SNX13: variants seen among roughly 807,000 people sequenced by gnomAD.
The protein encoded by SNX13 is sorting nexin-13.
SNX13 carries 45 observed loss-of-function variants against 133.6 expected under a neutral mutation model. The ratio of observed to expected loss-of-function variants is 0.34; its 90% CI spans 0.27 to 0.43. The LOEUF is 0.43. SNX13 is among the 20% of genes least tolerant of loss of function. The pLI is 1.00. For missense variants in SNX13, 1,032 were observed against 1,145.1 expected (o/e 0.90, Z 1.43); for synonymous variants, 414 against 373.9 (o/e 1.11, Z -1.24).
At chr7:17,930,716 C>T (rs892963996) in intron 1 of SNX13, among the ~76,000 whole-genome samples, 1 of 152,150 alleles carries the variant, frequency 6.6e-6, no homozygotes, top group African/African-American at 2.4e-5. Flanking sequence ...CCCTGGGCCA[C>T]AGAGCATTAC....
Position 17,923,674 on chromosome 7 carries a change from T to C in SNX13, c.12+16610A>G, listed in dbSNP as rs1009253750. On this transcript the variant is annotated intron_variant, in intron 1 of 25. Coordinates refer to ENST00000428135, the MANE Select transcript of SNX13 (RefSeq NM_015132.5). Reference sequence around the variant, plus strand: ...CAAGGAGAAGAAAACAGATCACATATGCAGGGAGAACAGAGAAACAAATAC... The same window carrying C: ...CAAGGAGAAGAAAACAGATCACATACGCAGGGAGAACAGAGAAACAAATAC... Among the ~76,000 whole-genome samples, 76 of 152,152 alleles carry C rather than the reference T, an allele frequency of 5.0e-4. 1 individual carries two copies. The highest frequency in any genetic ancestry group is 1.4e-3 in the Admixed American group (21 of 15,270).
At chr7:17,935,664 T>G (rs113513184) in intron 1 of SNX13, among the ~76,000 whole-genome samples, 20 of 152,294 alleles carry the variant, frequency 1.3e-4, no homozygotes, top group Non-Finnish European at 2.2e-4. Flanking sequence ...TTATCAATAT[T>G]CCTCTTGGTT....
chr7:17,801,026 A>ATATATATG (rs917095510), intron 22 of SNX13, among the ~76,000 whole-genome samples: 215 of 16,924 alleles, frequency 0.013, 5 homozygotes, highest in African/African-American at 0.032. Flanking sequence ...ATATATATAT[A>ATATATATG]TATATATATA....
chr7:17,814,949 C>CAAAAA lies in SNX13; in HGVS notation c.1954-6_1954-5insTTTTT. The CAAAAA allele has an allele frequency of 1.6e-6, 2 of 1,240,660 alleles. No individual in the cohort carries two copies. The highest frequency in any genetic ancestry group is 3.5e-5 in the East Asian group (1 of 28,758). 76.9% of individuals were successfully genotyped at this position (1,240,660 alleles called of 1,614,324 possible). A position where few individuals can be genotyped will look rare whatever the true frequency, so the allele number is the denominator to read the frequency against. On this transcript the variant is annotated splice_polypyrimidine_tract_variant and splice_region_variant and intron_variant, in intron 19 of 25. Coordinates refer to ENST00000428135, the MANE Select transcript of SNX13 (RefSeq NM_015132.5). ...CATTTCAGGAGCTAACAGTAACTAA[C>CAAAAA]AAGAAAAAAAAAAAAAAGAAGAGAT...
intron 11 of SNX13, among the ~76,000 whole-genome samples, chr7:17,849,387 T>C (rs775224735): frequency 6.6e-6 from 1 of 152,204 alleles, no homozygotes; most frequent in Non-Finnish European, 1.5e-5. Flanking sequence ...ACATCTCTTA[T>C]CTAGTTTTAA....
chr7:17,891,443 C>T, intron 4 of SNX13, 103 bp downstream of exon 4: 1 of 719,996 alleles, frequency 1.4e-6, no homozygotes, highest in Non-Finnish European at 2.2e-6. Flanking sequence ...TTAAGAAATT[C>T]CAGGATATTA....
At chr7:17,862,824 C>T (rs1163746655) in intron 9 of SNX13, among the ~76,000 whole-genome samples, 1 of 152,132 alleles carries the variant, frequency 6.6e-6, no homozygotes. Flanking sequence ...CGATCATCCT[C>T]CCCACAGGAA....
At chr7:17,801,022 A>ATATATATATATATATATG (rs1784570708) in intron 22 of SNX13, among the ~76,000 whole-genome samples, 1 of 14,108 alleles carries the variant, frequency 7.1e-5, no homozygotes, top group African/African-American at 1.8e-4. Context: ...ATATATATAT[A>ATATATATATATATATATG]TATATATATA....
At chr7:17,800,597 A>T (rs1489981727) in intron 22 of SNX13, among the ~76,000 whole-genome samples, 1 of 151,820 alleles carries the variant, frequency 6.6e-6, no homozygotes, top group South Asian at 2.1e-4. Context: ...ATAGGCACAG[A>T]TAACATATAT....
At chr7:17,805,210 TTTG>T (rs1456104264) in intron 20 of SNX13, among the ~76,000 whole-genome samples, 2 of 114,418 alleles carry the variant, frequency 1.7e-5, no homozygotes, top group African/African-American at 6.6e-5. Flanking sequence ...CTAATGATTC[TTTG>T]TGTGTGTGTG....
rs1280279541 is a variant in SNX13 at position 17,793,217 on chromosome 7, T to C, written c.*828A>G. 1 of 152,358 alleles carries C rather than the reference T, an allele frequency of 6.6e-6. No homozygotes were observed. The highest frequency in any genetic ancestry group is 1.5e-5 in the Non-Finnish European group (1 of 67,852). The allele number at this position is 152,358 out of a possible 1,614,324, so 9.4% of individuals were successfully genotyped here. A position where few individuals can be genotyped will look rare whatever the true frequency, so the allele number is the denominator to read the frequency against. ...GTATTTGGCAGTTCTTCCAATAAAT[T>C]ATATCTTCTGTATAATCAGTAATCT... On this transcript the variant is annotated 3_prime_UTR_variant, in exon 26 of 26. Transcript: ENST00000428135.
chr7:17,824,710 T>G (rs1255029616), intron 17 of SNX13, among the ~76,000 whole-genome samples: 1 of 152,104 alleles, frequency 6.6e-6, no homozygotes, highest in East Asian at 1.9e-4. Context: ...AAAAAAGTTA[T>G]ACTCTTAACC....
At chr7:17,909,602 A>C (rs1329083674) in intron 1 of SNX13, among the ~76,000 whole-genome samples, 1 of 152,252 alleles carries the variant, frequency 6.6e-6, no homozygotes, top group Non-Finnish European at 1.5e-5. Flanking sequence ...TCAGCAAACT[A>C]ATGCAGGAAC....
At chr7:17,819,001 A>G (rs1039066200) in intron 18 of SNX13, among the ~76,000 whole-genome samples, 1 of 152,202 alleles carries the variant, frequency 6.6e-6, no homozygotes, top group Non-Finnish European at 1.5e-5. Flanking sequence ...TCTTAGAGGC[A>G]AGGACTTAGT....
At chr7:17,834,276 T>C (rs1788866770) in intron 14 of SNX13, 92 bp from the exon 15 acceptor site, 2 of 1,135,596 alleles carry the variant, frequency 1.8e-6, no homozygotes, top group Admixed American at 2.9e-5. Flanking sequence ...CACTGAGGTC[T>C]TGCCATAATG....
chr7:17,817,871 A>G (rs1338495107), intron 18 of SNX13, among the ~76,000 whole-genome samples: 1 of 152,196 alleles, frequency 6.6e-6, no homozygotes, highest in East Asian at 1.9e-4. Flanking sequence ...TGGTATTACC[A>G]AGTCTTGTGT....
chr7:17,854,614 T>C (rs1236794161), intron 9 of SNX13, among the ~76,000 whole-genome samples: 2 of 152,206 alleles, frequency 1.3e-5, no homozygotes, highest in South Asian at 2.1e-4. Context: ...TATTACTATA[T>C]CTACTATGGT....
chr7:17,801,580 T>C lies in SNX13; in HGVS notation c.2298+8A>G, dbSNP rs1209290303. On this transcript the variant is annotated splice_region_variant and intron_variant, in intron 22 of 25. Transcript: ENST00000428135. ...AACTAAATACTACCAAGAATAAAAT[T>C]AACTCACATTATCGTCAAGTTGAGC... 3 of 1,600,376 alleles carry C rather than the reference T, an allele frequency of 1.9e-6. No individual in the cohort carries two copies. Among genetic ancestry groups the C allele is most frequent in the South Asian group, 1.1e-5 (1 of 88,122 alleles).
At chr7:17,815,652 T>A (rs1362058618) in intron 19 of SNX13, among the ~76,000 whole-genome samples, 2 of 152,026 alleles carry the variant, frequency 1.3e-5, no homozygotes, top group African/African-American at 4.8e-5. Context: ...AACAAAAACA[T>A]TCAAGTGTTA....
Sources: gnomAD v4.1 joint callset for allele counts (sites outside exome capture counted in the v4.1 genomes callset) on GRCh38, gnomAD v4.1.1 for gene constraint, MANE v1.5 for transcripts, NCBI Gene and HGNC (gene_info 2026-07-23, HGNC 2026-07-21) for gene names.